The following LDLRAD3 variants were observed in gnomAD, a reference collection of about 807,000 sequenced individuals.
The protein encoded by LDLRAD3 is low density lipoprotein receptor class A domain containing 3.
Under a neutral mutation model 29.4 loss-of-function variants are expected in LDLRAD3, and 20 were observed. The ratio of observed to expected loss-of-function variants is 0.68; its 90% CI spans 0.48 to 0.99. The LOEUF (loss-of-function observed/expected upper bound fraction) is 0.99. LDLRAD3 is among the 50% of genes least tolerant of loss of function. LDLRAD3 has a pLI of 0.00. For missense variants in LDLRAD3, 420 were observed against 454.3 expected, an observed-to-expected ratio of 0.92 and a Z score of 0.69; for synonymous variants, 157 against 192.7, an observed-to-expected ratio of 0.81 and a Z score of 1.53.
At chr11:35,952,477 T>G (rs1437357237) in intron 1 of LDLRAD3, among the ~76,000 whole-genome samples, 1 of 152,218 alleles carries the variant, frequency 6.6e-6, no homozygotes, top group Non-Finnish European at 1.5e-5. Flanking sequence ...ACTGCTGTTC[T>G]CCTATGTGGA....
At chr11:36,177,155 C>T (rs995020105) in intron 4 of LDLRAD3, among the ~76,000 whole-genome samples, 1 of 152,048 alleles carries the variant, frequency 6.6e-6, no homozygotes. Flanking sequence ...TCTTTTATTT[C>T]CAGAAGTTGT....
At chr11:36,111,186 G>A (rs750907025) in intron 4 of LDLRAD3, among the ~76,000 whole-genome samples, 5 of 152,120 alleles carry the variant, frequency 3.3e-5, no homozygotes, top group Non-Finnish European at 7.3e-5. Context: ...GGAGCAGCTC[G>A]TTATCACTGC....
At chr11:36,025,478 T>G (rs530078024) in intron 1 of LDLRAD3, among the ~76,000 whole-genome samples, 22 of 149,414 alleles carry the variant, frequency 1.5e-4, no homozygotes, top group African/African-American at 5.4e-4. Context: ...AAGCACCGCC[T>G]CCAGGGTTCA....
At chr11:36,056,676 T>C (rs955979195) in intron 2 of LDLRAD3, among the ~76,000 whole-genome samples, 1 of 152,198 alleles carries the variant, frequency 6.6e-6, no homozygotes, top group Non-Finnish European at 1.5e-5. Context: ...GAAATCATGA[T>C]TGACTTAGCT....
intron 1 of LDLRAD3, among the ~76,000 whole-genome samples, chr11:35,973,502 G>A (rs1316964817): frequency 6.6e-6 from 1 of 152,094 alleles, no homozygotes; most frequent in Non-Finnish European, 1.5e-5. Flanking sequence ...CTGTCTCCCA[G>A]GCGGGAGTGC....
At chr11:36,180,663 T>A (rs1226079463) in intron 4 of LDLRAD3, among the ~76,000 whole-genome samples, 5 of 151,914 alleles carry the variant, frequency 3.3e-5, no homozygotes, top group African/African-American at 1.2e-4. Flanking sequence ...TTTGACAGGA[T>A]CATCTGGCTG....
At chr11:36,103,402 T>C (rs1014262275) in intron 4 of LDLRAD3, among the ~76,000 whole-genome samples, 19 of 152,020 alleles carry the variant, frequency 1.2e-4, no homozygotes, top group African/African-American at 4.6e-4. Flanking sequence ...CACGCCCAGC[T>C]AATTTTTTTG....
intron 1 of LDLRAD3, among the ~76,000 whole-genome samples, chr11:36,022,236 A>G (rs1170851160): frequency 6.6e-6 from 1 of 152,174 alleles, no homozygotes; most frequent in African/African-American, 2.4e-5. Context: ...TCATGTAACT[A>G]CATTAGAATG....
At chr11:36,076,396 T>G (rs1853003115) in intron 2 of LDLRAD3, among the ~76,000 whole-genome samples, 1 of 150,084 alleles carries the variant, frequency 6.7e-6, no homozygotes, top group African/African-American at 2.4e-5. Flanking sequence ...CTCACTGTCT[T>G]TTTTTTTTTG....
At chr11:36,193,134 CCA>C (rs1421143194) in intron 4 of LDLRAD3, among the ~76,000 whole-genome samples, 1 of 152,118 alleles carries the variant, frequency 6.6e-6, no homozygotes, top group African/African-American at 2.4e-5. Flanking sequence ...TCTCCGAGCC[CCA>C]GTTTCCTCAT....
chr11:36,178,651 C>T (rs887805837), intron 4 of LDLRAD3, among the ~76,000 whole-genome samples: 1 of 152,182 alleles, frequency 6.6e-6, no homozygotes, highest in African/African-American at 2.4e-5. Flanking sequence ...AGTTTCTCTC[C>T]TTCCACTGAC....
rs767373605 is a variant in LDLRAD3, at chr11:35,996,616, A to G, written c.47-39487A>G. Among the ~76,000 whole-genome samples the G allele has an allele frequency of 5.9e-5, 9 of 152,320 alleles. No homozygotes were observed. In the South Asian group the frequency reaches 6.2e-4, roughly 11 times the overall value. ...AAAAATATAATACTTATGAAGCTCA[A>G]TAAAGTGAAGCACAGCAAAATGAGA... On this transcript the variant is annotated intron_variant, in intron 1 of 5. Coordinates refer to ENST00000315571, the MANE Select transcript of LDLRAD3 (RefSeq NM_174902.4).
intron 1 of LDLRAD3, among the ~76,000 whole-genome samples, chr11:35,990,069 T>G (rs1015850964): frequency 1.3e-5 from 2 of 152,194 alleles, no homozygotes; most frequent in Non-Finnish European, 2.9e-5. Flanking sequence ...ATTTGTTCTC[T>G]ATGTGATTTT....
chr11:36,194,752 C>A (rs986999229), intron 4 of LDLRAD3, among the ~76,000 whole-genome samples: 2 of 152,134 alleles, frequency 1.3e-5, no homozygotes, highest in African/African-American at 4.8e-5. Flanking sequence ...CAGGGATTCC[C>A]AGTTCTCTAA....
chr11:36,085,081 C>G (rs73454605), intron 3 of LDLRAD3, among the ~76,000 whole-genome samples: 21,095 of 152,224 alleles, frequency 0.14, 1,614 homozygotes, highest in South Asian at 0.23. Flanking sequence ...TCATTTTCCT[C>G]CTCTGTGAAG....
At chr11:36,050,514 TC>T (rs1304507411) in intron 2 of LDLRAD3, among the ~76,000 whole-genome samples, 1 of 152,182 alleles carries the variant, frequency 6.6e-6, no homozygotes, top group Non-Finnish European at 1.5e-5. Flanking sequence ...GACATTAAAA[TC>T]CAAACTAGGG....
chr11:36,154,549 A>T (rs1247958392), intron 4 of LDLRAD3, among the ~76,000 whole-genome samples: 1 of 152,170 alleles, frequency 6.6e-6, no homozygotes, highest in African/African-American at 2.4e-5. Flanking sequence ...CGTAGGGAAA[A>T]GAAATTGTTT....
chr11:35,990,696 G>A (rs1851678570), intron 1 of LDLRAD3, among the ~76,000 whole-genome samples: 1 of 152,150 alleles, frequency 6.6e-6, no homozygotes, highest in African/African-American at 2.4e-5. Flanking sequence ...GATTACAGGT[G>A]TAAGCCACCG....
intron 4 of LDLRAD3, among the ~76,000 whole-genome samples, chr11:36,122,668 AG>A (rs1565238386): frequency 6.6e-6 from 1 of 152,142 alleles, no homozygotes; most frequent in Non-Finnish European, 1.5e-5. Context: ...AGTCTAGTGA[AG>A]GAGATAAACT....
Sources: allele counts gnomAD v4.1 joint callset (sites outside exome capture counted in the v4.1 genomes callset), GRCh38; gene constraint gnomAD v4.1.1; transcripts MANE v1.5; gene names NCBI Gene and HGNC (gene_info 2026-07-23, HGNC 2026-07-21).